The following STXBP5L variants were observed in gnomAD, a reference collection of about 807,000 sequenced individuals.
STXBP5L encodes syntaxin binding protein 5L, also known as syntaxin-binding protein 5-like.
Under a neutral mutation model 144.5 loss-of-function variants are expected in STXBP5L, and 65 were observed. The observed-to-expected ratio is 0.45, with a 90% CI of 0.37 to 0.55. STXBP5L has a LOEUF of 0.55. STXBP5L is among the 20% of genes least tolerant of loss of function. The probability of loss-of-function intolerance (pLI) is 0.00; values close to 1 mark genes in which losing one functional copy is unlikely to be tolerated. For missense variants in STXBP5L, 1,298 were observed against 1,405.5 expected, an observed-to-expected ratio of 0.92 and a Z score of 1.22; for synonymous variants, 505 against 469.6, an observed-to-expected ratio of 1.08 and a Z score of -0.97.
intron 19 of STXBP5L, among the ~76,000 whole-genome samples, chr3:121,308,788 T>G (rs1251847770): frequency 6.6e-6 from 1 of 152,094 alleles, no homozygotes; most frequent in African/African-American, 2.4e-5. Context: ...AATAAAATTA[T>G]ATAAAGTAGT....
intron 7 of STXBP5L, among the ~76,000 whole-genome samples, chr3:121,125,491 G>A (rs1368840083): frequency 6.6e-6 from 1 of 151,822 alleles, no homozygotes; most frequent in Non-Finnish European, 1.5e-5. Context: ...TCAAGATAAT[G>A]TCATAGAATC....
At chr3:121,354,825 G>A (rs1006230582) in intron 20 of STXBP5L, among the ~76,000 whole-genome samples, 10 of 152,134 alleles carry the variant, frequency 6.6e-5, no homozygotes, top group African/African-American at 2.2e-4. Context: ...TGCAGTGGCT[G>A]GTACCAATTG....
At position 121,090,929 on chromosome 3, in the gene STXBP5L, T is replaced by G. The variant is rs530187200; in HGVS notation, c.471-23996T>G. ...ATCTCCCAGTGCTATCCCTCCCCCC[T>G]CCCCCCACCCCACAACAGTCCCCAG... On this transcript the variant is annotated intron_variant, in intron 5 of 26. Transcript: ENST00000471454. Among the ~76,000 whole-genome samples, 57 of 56,446 alleles carry G rather than the reference T, an allele frequency of 1.0e-3. 3 individuals are homozygous for G. Among genetic ancestry groups the G allele is most frequent in the African/African-American group, 4.8e-3 (56 of 11,648 alleles). The allele number at this position is 56,446 out of a possible 152,430, so 37.0% of individuals were successfully genotyped here. A position where few individuals can be genotyped will look rare whatever the true frequency, so the allele number is the denominator to read the frequency against.
At chr3:121,001,051 G>A in intron 3 of STXBP5L, among the ~76,000 whole-genome samples, 1 of 152,192 alleles carries the variant, frequency 6.6e-6, no homozygotes, top group East Asian at 1.9e-4. Flanking sequence ...TACTGCATTG[G>A]TGGATGCTGG....
At chr3:121,202,564 G>A (rs1190436827) in intron 9 of STXBP5L, among the ~76,000 whole-genome samples, 2 of 151,904 alleles carry the variant, frequency 1.3e-5, no homozygotes, top group East Asian at 3.9e-4. Context: ...ACTTTTTTTA[G>A]TATTTTTTGT....
At chr3:121,378,350 C>T (rs919186829) in intron 20 of STXBP5L, among the ~76,000 whole-genome samples, 5 of 151,972 alleles carry the variant, frequency 3.3e-5, no homozygotes, top group African/African-American at 1.2e-4. Flanking sequence ...TTTTAAAATG[C>T]TTCTATTCTA....
At chr3:121,293,555 G>A (rs1442396781) in intron 19 of STXBP5L, among the ~76,000 whole-genome samples, 2 of 152,172 alleles carry the variant, frequency 1.3e-5, no homozygotes, top group African/African-American at 4.8e-5. Flanking sequence ...CAAGCAGAGT[G>A]AACAGCTTAT....
intron 19 of STXBP5L, among the ~76,000 whole-genome samples, chr3:121,290,023 A>G (rs1368879817): frequency 6.6e-6 from 1 of 152,102 alleles, no homozygotes; most frequent in Non-Finnish European, 1.5e-5. Context: ...AGCAAACCCA[A>G]ACCCAGCAGA....
At chr3:121,223,703 A>G in intron 11 of STXBP5L, among the ~76,000 whole-genome samples, 1 of 152,180 alleles carries the variant, frequency 6.6e-6, no homozygotes, top group Non-Finnish European at 1.5e-5. Flanking sequence ...AAATGCTTAT[A>G]TATTTTTATT....
intron 5 of STXBP5L, among the ~76,000 whole-genome samples, chr3:121,111,450 GCTTT>G (rs2043983355): frequency 6.6e-6 from 1 of 152,268 alleles, no homozygotes; most frequent in East Asian, 1.9e-4. Flanking sequence ...TGTTGTTGCT[GCTTT>G]CTATTTGTTA....
intron 9 of STXBP5L, among the ~76,000 whole-genome samples, chr3:121,163,901 G>A (rs2046408942): frequency 6.6e-6 from 1 of 152,068 alleles, no homozygotes; most frequent in Non-Finnish European, 1.5e-5. Flanking sequence ...TAAATTTTCT[G>A]CTATACTTTG....
intron 19 of STXBP5L, among the ~76,000 whole-genome samples, chr3:121,280,901 C>A (rs986878134): frequency 1.3e-5 from 2 of 149,578 alleles, no homozygotes; most frequent in Non-Finnish European, 3.0e-5. Context: ...CATAGTGTGA[C>A]CCCATCTCTA....
chr3:120,909,810 A>G lies in STXBP5L; in HGVS notation c.189+43A>G. 7 of 1,560,134 alleles carry G rather than the reference A, an allele frequency of 4.5e-6. No homozygotes were observed. The South Asian group carries it at 7.1e-5, about 16-fold the overall frequency. On this transcript the variant is annotated intron_variant, in intron 2 of 26. Transcript: ENST00000471454. ...TTAAAGCCTATTATTTCTTTATTAT[A>G]CTGTTGTAAGGAAACAAGGGGGGAA...
chr3:121,249,203 T>C (rs191004155), intron 14 of STXBP5L, among the ~76,000 whole-genome samples: 5 of 152,294 alleles, frequency 3.3e-5, no homozygotes, highest in Admixed American at 3.3e-4. Context: ...GGAATAGTGA[T>C]GAATCTGCAC....
intron 10 of STXBP5L, among the ~76,000 whole-genome samples, chr3:121,206,517 T>G (rs947159288): frequency 6.6e-6 from 1 of 152,126 alleles, no homozygotes; most frequent in Non-Finnish European, 1.5e-5. Flanking sequence ...GTGTTTAAAG[T>G]AGCTATATCC....
intron 10 of STXBP5L, among the ~76,000 whole-genome samples, chr3:121,218,102 A>G (rs1372126415): frequency 7.0e-6 from 1 of 141,932 alleles, no homozygotes; most frequent in Non-Finnish European, 1.5e-5. Context: ...AGTATAATAT[A>G]TAATATACTA....
At chr3:121,289,671 A>C (rs2051356040) in intron 19 of STXBP5L, among the ~76,000 whole-genome samples, 1 of 152,156 alleles carries the variant, frequency 6.6e-6, no homozygotes, top group African/African-American at 2.4e-5. Context: ...AGTCTCAATA[A>C]ATTTTTAAAA....
chr3:121,313,745 C>CG (rs1553764960), intron 19 of STXBP5L, among the ~76,000 whole-genome samples: 2 of 130,560 alleles, frequency 1.5e-5, no homozygotes, highest in Non-Finnish European at 3.3e-5. Flanking sequence ...TGACCCCCCC[C>CG]ACCTCCCTCC....
chr3:121,218,210 C>T (rs1417719684), intron 10 of STXBP5L, among the ~76,000 whole-genome samples: 2 of 140,508 alleles, frequency 1.4e-5, no homozygotes, highest in Non-Finnish European at 3.0e-5. Context: ...TTACTATATA[C>T]TATACATAGT....
Sources: allele counts gnomAD v4.1 joint callset (sites outside exome capture counted in the v4.1 genomes callset), GRCh38; gene constraint gnomAD v4.1.1; transcripts MANE v1.5; gene names NCBI Gene and HGNC (gene_info 2026-07-23, HGNC 2026-07-21).